Variants in SLC12A1 observed in about 807,000 individuals in gnomAD.
The protein encoded by SLC12A1 is Na-K-2Cl cotransporter.
SLC12A1 carries 89 observed loss-of-function variants against 130.4 expected under a neutral mutation model. The ratio of observed to expected loss-of-function variants is 0.68; its 90% CI spans 0.58 to 0.81. SLC12A1 has a LOEUF of 0.81. SLC12A1 is among the 40% of genes least tolerant of loss of function. The probability of loss-of-function intolerance (pLI) is 0.00; values close to 1 mark genes in which losing one functional copy is unlikely to be tolerated. For missense variants in SLC12A1, 1,310 were observed against 1,336.4 expected, an observed-to-expected ratio of 0.98 and a Z score of 0.31; for synonymous variants, 499 against 460.0, an observed-to-expected ratio of 1.08 and a Z score of -1.09.
At chr15:48,272,217 CTT>C (rs948562465) in intron 19 of SLC12A1, among the ~76,000 whole-genome samples, 2 of 152,148 alleles carry the variant, frequency 1.3e-5, no homozygotes, top group African/African-American at 4.8e-5. Flanking sequence ...AGTTAAATGA[CTT>C]TTCTAGCACA....
At chr15:48,301,540 A>G (rs2042233852) in intron 26 of SLC12A1, among the ~76,000 whole-genome samples, 158 bp downstream of exon 26, 2 of 148,856 alleles carry the variant, frequency 1.3e-5, no homozygotes, top group Admixed American at 6.8e-5. Context: ...ACAGTGAAGG[A>G]AGGTAAGTGC....
chr15:48,228,999 T>C (rs1236426593), intron 5 of SLC12A1, 190 bp from the exon 6 acceptor site: 3 of 503,826 alleles, frequency 6.0e-6, no homozygotes, highest in Admixed American at 3.6e-5. Context: ...ACTTCTATTG[T>C]AGATTAAGTA....
intron 10 of SLC12A1, among the ~76,000 whole-genome samples, chr15:48,242,111 G>C (rs1019021281): frequency 2.6e-5 from 4 of 152,160 alleles, no homozygotes; most frequent in Non-Finnish European, 4.4e-5. Flanking sequence ...ACAAGACCCA[G>C]CTGCTGGCAG....
At position 48,227,138 on chromosome 15, in the gene SLC12A1, A is replaced by G. The variant is rs753357248; in HGVS notation, c.724+567A>G. The stretch of plus-strand genomic sequence containing the variant: ...AGTAACGACACTCACAGGTATTTCT[A>G]TGTCTGCTATTTGCACGAATGGAGT... On this transcript the variant is annotated intron_variant, in intron 5 of 26. Coordinates refer to ENST00000380993, the MANE Select transcript of SLC12A1 (RefSeq NM_000338.3). 9 of 1,552,064 alleles carry G rather than the reference A, an allele frequency of 5.8e-6. No homozygotes were observed. In the South Asian group the frequency reaches 9.5e-5, roughly 16 times the overall value.
Position 48,208,137 on chromosome 15 carries a change from A to C in SLC12A1, c.418A>C (p.Lys140Gln), listed in dbSNP as rs1215335178. 2 of 1,576,344 alleles carry C rather than the reference A, an allele frequency of 1.3e-6. No homozygotes were observed. The highest frequency in any genetic ancestry group is 1.8e-5 in the Admixed American group (1 of 55,252). ...GCTTGAGATTCACGAGCAACTCGCA[A>C]AGGTAAGCTTGAAGGACACAAGCAA... The part of the protein sequence containing the change: ...SLLEIHEQLA[K>Q]NVAVTPSSAD... Residue 140 changes from lysine to glutamine, a missense_variant and splice_region_variant, in exon 2 of 27, where the codon AAG becomes CAG. By Grantham distance (53) the Lys-to-Gln change is moderately conservative. Transcript: ENST00000380993.
At chr15:48,252,431 C>T (rs1259562273) in intron 15 of SLC12A1, among the ~76,000 whole-genome samples, 1 of 152,186 alleles carries the variant, frequency 6.6e-6, no homozygotes, top group Non-Finnish European at 1.5e-5. Context: ...CTTTCCATTA[C>T]ATCACTTTCT....
intron 10 of SLC12A1, 43 bp from the exon 11 acceptor site, chr15:48,244,710 C>A (rs771325396): frequency 6.2e-7 from 1 of 1,607,370 alleles, no homozygotes; most frequent in South Asian, 1.1e-5. Flanking sequence ...CGTAAGGGAC[C>A]AGAACTTTAT....
At chr15:48,298,284 A>C (rs2141128444) in intron 24 of SLC12A1, among the ~76,000 whole-genome samples, 1 of 152,380 alleles carries the variant, frequency 6.6e-6, no homozygotes, top group South Asian at 2.1e-4. Flanking sequence ...GTAGCATACT[A>C]GAGACAACTA....
Position 48,244,423 on chromosome 15 carries a change from C to A in SLC12A1, c.1301-330C>A, listed in dbSNP as rs546609730. 1.1e-4 allele frequency among the ~76,000 whole-genome samples: 16 copies of A among 152,292 alleles called. 1 individual carries two copies. The South Asian group carries it at 2.7e-3, about 26-fold the overall frequency. On this transcript the variant is annotated intron_variant, in intron 10 of 26. Transcript: ENST00000380993. ...CTTGAAAAACATCCAGTTGGTAGTA[C>A]TAAGCCAGACATATATATTGAGTAT...
At chr15:48,269,173 T>C (rs2041865552) in intron 18 of SLC12A1, among the ~76,000 whole-genome samples, 1 of 152,182 alleles carries the variant, frequency 6.6e-6, no homozygotes, top group Non-Finnish European at 1.5e-5. Context: ...CATAAAAGAA[T>C]TAGGTTTTGG....
At chr15:48,269,236 T>A (rs2041866265) in intron 18 of SLC12A1, among the ~76,000 whole-genome samples, 1 of 152,192 alleles carries the variant, frequency 6.6e-6, no homozygotes, top group African/African-American at 2.4e-5. Context: ...ATTTTAGTGA[T>A]CCTTGTACAT....
At chr15:48,241,364 A>C in intron 9 of SLC12A1, 151 bp from the exon 10 acceptor site, 1 of 666,714 alleles carries the variant, frequency 1.5e-6, no homozygotes, top group Non-Finnish European at 2.7e-6. Flanking sequence ...AATAAAGCTC[A>C]AGCTCATCAA....
chr15:48,220,882 G>T, intron 3 of SLC12A1, 39 bp from the exon 4 acceptor site: 1 of 1,612,570 alleles, frequency 6.2e-7, no homozygotes, highest in Non-Finnish European at 8.5e-7. Flanking sequence ...TCCCACTATC[G>T]TTTGTCCTGT....
intron 9 of SLC12A1, chr15:48,237,094 C>T: frequency 1.4e-6 from 1 of 690,976 alleles, no homozygotes; most frequent in Non-Finnish European, 2.6e-6. Context: ...GAATCAAGTG[C>T]AAAGGAAAGA....
rs1158582984 is a variant in SLC12A1, at chr15:48,220,736, G to A, written c.523G>A (p.Val175Met). 2 of 1,613,826 alleles carry A rather than the reference G, an allele frequency of 1.2e-6. No individual in the cohort carries two copies. Among genetic ancestry groups the A allele is most frequent in the African/African-American group, 1.3e-5 (1 of 74,928 alleles). ...ENKEDDQAGV[V>M]KFGWVKGVLV... is the part of the protein sequence containing the mutation. ...TAAGGAAGATGATCAAGCTGGTGTT[G>A]TGAAGTTTGGATGGGTGAAAGGTGT... Residue 175 changes from valine to methionine, a missense_variant, in exon 3 of 27, where the codon GTG (valine) becomes ATG (methionine). Physicochemically the swap from Val to Met is conservative, Grantham distance 21. Coordinates refer to ENST00000380993, the MANE Select transcript of SLC12A1 (RefSeq NM_000338.3).
At chr15:48,242,653 T>C (rs934403368) in intron 10 of SLC12A1, among the ~76,000 whole-genome samples, 59 of 152,052 alleles carry the variant, frequency 3.9e-4, no homozygotes, top group African/African-American at 1.4e-3. Flanking sequence ...AAATAAAAAA[T>C]TAGCCGGGCG....
rs1267430906 is a variant in SLC12A1, at chr15:48,229,375, T to A, written c.864+47T>A. 1.9e-6 allele frequency: 3 copies of A among 1,544,632 alleles called. No individual in the cohort carries two copies. The Admixed American group carries it at 5.9e-5, about 30-fold the overall frequency. The stretch of plus-strand genomic sequence containing the variant: ...TTTCTGCCAAGCAGCATAATTTAGT[T>A]TAGTTTGCCTTCTCAGGGCACTAAG... On this transcript the variant is annotated intron_variant, in intron 6 of 26. Coordinates refer to ENST00000380993, the MANE Select transcript of SLC12A1 (RefSeq NM_000338.3).
At chr15:48,269,588 T>C (rs932119675) in intron 18 of SLC12A1, 70 bp from the exon 19 acceptor site, 5 of 790,116 alleles carry the variant, frequency 6.3e-6, no homozygotes, top group African/African-American at 5.1e-5. Flanking sequence ...CTTTAGACAT[T>C]ATTTTTCATT....
At chr15:48,284,268 A>G (rs1839203274) in intron 20 of SLC12A1, among the ~76,000 whole-genome samples, 1 of 152,220 alleles carries the variant, frequency 6.6e-6, no homozygotes, top group Non-Finnish European at 1.5e-5. Flanking sequence ...TGTAATTTGT[A>G]TCCAGAGCCT....
Sources: gnomAD v4.1 joint callset for allele counts (sites outside exome capture counted in the v4.1 genomes callset) on GRCh38, gnomAD v4.1.1 for gene constraint, MANE v1.5 for transcripts, NCBI Gene and HGNC (gene_info 2026-07-23, HGNC 2026-07-21) for gene names.